The following CAMSAP2 variants were observed in gnomAD, a reference collection of about 807,000 sequenced individuals.
CAMSAP2 encodes the protein calmodulin regulated spectrin associated protein family member 2.
Under a neutral mutation model 146.1 loss-of-function variants are expected in CAMSAP2, and 26 were observed. The observed-to-expected ratio is 0.18, with a 90% CI of 0.13 to 0.25. CAMSAP2 has a LOEUF of 0.25. CAMSAP2 is among the 10% of genes least tolerant of loss of function. The pLI, the probability that CAMSAP2 is intolerant of heterozygous loss-of-function variation, is 1.00. For missense variants in CAMSAP2, 1,381 were observed against 1,759.3 expected (o/e 0.78, Z 3.85); for synonymous variants, 499 against 596.6 (o/e 0.84, Z 2.38).
chr1:200,832,960 A>T lies in CAMSAP2; in HGVS notation c.927+115A>T, dbSNP rs1667082942. ...CCTGTAATCCCAGTACTTTGGGAGG[A>T]CAAGGTGGGAGGATTGCTTAAGCCT... On this transcript the variant is annotated intron_variant, in intron 6 of 16. Coordinates refer to ENST00000358823, the MANE Select transcript of CAMSAP2 (RefSeq NM_203459.4). This position sits in a 1 kb window ranked among gnomAD's most constrained non-coding sequence, Gnocchi z 4.2. 1.1e-6 allele frequency: 1 copy of T among 885,724 alleles called. No homozygotes were observed. 54.9% of individuals were successfully genotyped at this position (885,724 alleles called of 1,614,324 possible). A position where few individuals can be genotyped will look rare whatever the true frequency, so the allele number is the denominator to read the frequency against.
In CAMSAP2 at chr1:200,848,891, A is replaced by G; in HGVS notation, c.2122A>G (p.Ser708Gly). The change falls in exon 11 of 17, where the codon AGT becomes GGT. Residue 708 changes from serine to glycine, a missense_variant. Ser to Gly is a moderately conservative substitution (Grantham distance 56). Around this residue, in one of 4 missense-constraint regions of CAMSAP2, gnomAD observed 447 missense variants for 462.2 expected, o/e 0.97. Coordinates refer to ENST00000358823, the MANE Select transcript of CAMSAP2 (RefSeq NM_203459.4). ...NHTDGKSSGS[S>G]SQKTTPEGSE... ...TACCGATGGAAAAAGTAGTGGAAGC[A>G]GTTCTCAAAAAACTACACCAGAAGG... The G allele has an allele frequency of 6.2e-7, 1 of 1,614,196 alleles. No homozygotes were observed. Among genetic ancestry groups the G allele is most frequent in the Non-Finnish European group, 8.5e-7 (1 of 1,180,010 alleles).
intron 2 of CAMSAP2, among the ~76,000 whole-genome samples, chr1:200,763,933 G>A (rs1163786749): frequency 1.3e-5 from 2 of 151,974 alleles, no homozygotes; most frequent in African/African-American, 2.4e-5. Context: ...AATTAGCCAG[G>A]TGTGGTGGCA....
At chr1:200,805,741 A>G (rs1236633507) in intron 2 of CAMSAP2, among the ~76,000 whole-genome samples, 1 of 152,258 alleles carries the variant, frequency 6.6e-6, no homozygotes, top group Non-Finnish European at 1.5e-5. Context: ...TTAGGAGGAC[A>G]ACAAGCCAGG....
At chr1:200,821,159 A>C (rs183602591) in intron 4 of CAMSAP2, among the ~76,000 whole-genome samples, 1 of 149,850 alleles carries the variant, frequency 6.7e-6, no homozygotes, top group East Asian at 1.9e-4. Flanking sequence ...ATCTATCCAT[A>C]TGTAGCCTGC....
At chr1:200,775,987 CAAAAA>C (rs559487129) in intron 2 of CAMSAP2, among the ~76,000 whole-genome samples, 1 of 139,342 alleles carries the variant, frequency 7.2e-6, no homozygotes. Context: ...TCTTTAAAAA[CAAAAA>C]AAAAAAGAAA....
intron 7 of CAMSAP2, 88 bp downstream of exon 7, chr1:200,842,175 T>C: frequency 1.0e-6 from 1 of 959,860 alleles, no homozygotes; most frequent in East Asian, 2.5e-5. Context: ...TTTTTAGAAA[T>C]CAGCCTATTA....
In CAMSAP2 at chr1:200,853,431, G is replaced by A. The variant is rs749975089; in HGVS notation, c.3759G>A (p.Gln1253=). The change falls in exon 13 of 17, where the codon CAG becomes CAA. Residue 1253 remains glutamine, a synonymous_variant. Coordinates refer to ENST00000358823, the MANE Select transcript of CAMSAP2 (RefSeq NM_203459.4). This position sits in a 1 kb window ranked among gnomAD's most constrained non-coding sequence, Gnocchi z 5.1. ...PRPQVVKQKK[Q]RPKSIHRDHI... is the part of the protein sequence containing the mutation. ...CTCAAGTAGTAAAACAAAAAAAACAGCGACCAAAATCTATTCACAGAGATC... is the reference window on the plus strand; with the variant it reads ...CTCAAGTAGTAAAACAAAAAAAACAACGACCAAAATCTATTCACAGAGATC... 1 of 1,613,816 alleles carries A rather than the reference G, an allele frequency of 6.2e-7. No individual in the cohort carries two copies. The highest frequency in any genetic ancestry group is 1.7e-4 in the Middle Eastern group (1 of 6,056).
At position 200,760,976 on chromosome 1, in the gene CAMSAP2, G is replaced by A. The variant is rs753089995; in HGVS notation, c.277G>A (p.Ala93Thr). 6.2e-7 allele frequency: 1 copy of A among 1,614,094 alleles called. No individual in the cohort carries two copies. Among genetic ancestry groups the A allele is most frequent in the Admixed American group, 1.7e-5 (1 of 60,022 alleles). Residue 93 changes from alanine (A) to threonine (T), a missense_variant, in exon 2 of 17, where the codon GCT (alanine) becomes ACT (threonine). Ala to Thr is a moderately conservative substitution (Grantham distance 58). Around this residue, in one of 4 missense-constraint regions of CAMSAP2, gnomAD observed 284 missense variants for 406.9 expected, o/e 0.70. Coordinates refer to ENST00000358823, the MANE Select transcript of CAMSAP2 (RefSeq NM_203459.4). Reference sequence around the variant, plus strand: ...TGGGAGTCTCATTCTCAAGAGTGATGCTGCAAAACCCCTTTTGGGCCATGA... The same window carrying A: ...TGGGAGTCTCATTCTCAAGAGTGATACTGCAAAACCCCTTTTGGGCCATGA... ...RAGSLILKSD[A>T]AKPLLGHDAV...
Position 200,849,065 on chromosome 1 carries a change from G to A in CAMSAP2, c.2296G>A (p.Ala766Thr). The A allele has an allele frequency of 1.9e-6, 3 of 1,614,046 alleles. No individual in the cohort carries two copies. The highest frequency in any genetic ancestry group is 3.3e-4 in the Middle Eastern group (2 of 6,062). Residue 766 changes from alanine to threonine, a missense_variant, in exon 11 of 17, where the codon GCC (alanine) becomes ACC (threonine). By Grantham distance (58) the Ala-to-Thr change is moderately conservative. This residue lies in a region of CAMSAP2 where 560 missense variants were observed against 715.9 expected (regional missense o/e 0.78). Transcript: ENST00000358823. The surrounding 1 kb of genome is among the most constrained non-coding windows in gnomAD (Gnocchi z 6.3). ...AGAAGAAAAGAGGCGTGCTATAGAAGCCCAGAAAAAGAAAATGGAAGCTGC... is the reference window on the plus strand; with the variant it reads ...AGAAGAAAAGAGGCGTGCTATAGAAACCCAGAAAAAGAAAATGGAAGCTGC... Reference protein sequence around the residue: ...KLEEKRRAIEAQKKKMEAAFT... With the variant: ...KLEEKRRAIETQKKKMEAAFT...
At chr1:200,750,382 A>G (rs1664465433) in intron 1 of CAMSAP2, among the ~76,000 whole-genome samples, 2 of 152,210 alleles carry the variant, frequency 1.3e-5, no homozygotes, top group East Asian at 1.9e-4. Flanking sequence ...CTGAAAGATC[A>G]TCAAGTTTGG....
At chr1:200,755,257 A>G (rs926888808) in intron 1 of CAMSAP2, among the ~76,000 whole-genome samples, 13 of 152,258 alleles carry the variant, frequency 8.5e-5, no homozygotes, top group African/African-American at 2.4e-4. Flanking sequence ...AAACACACAC[A>G]TATATACATA....
intron 1 of CAMSAP2, among the ~76,000 whole-genome samples, chr1:200,754,862 G>T (rs189511116): frequency 1.1e-4 from 17 of 152,172 alleles, no homozygotes; most frequent in Admixed American, 3.9e-4. Flanking sequence ...GATTACAGGC[G>T]TGAGCCACCG....
At chr1:200,785,092 C>G (rs765457320) in intron 2 of CAMSAP2, among the ~76,000 whole-genome samples, 3 of 152,014 alleles carry the variant, frequency 2.0e-5, no homozygotes, top group Non-Finnish European at 4.4e-5. Flanking sequence ...TCTTGAATTC[C>G]TGGAGTTAAA....
intron 7 of CAMSAP2, 145 bp from the exon 8 acceptor site, chr1:200,844,637 T>C: frequency 4.3e-6 from 2 of 468,296 alleles, no homozygotes; most frequent in Non-Finnish European, 3.8e-6. Context: ...TTGAAAATTA[T>C]TTAAGAAGAA....
rs1327209112 is a variant in CAMSAP2 at position 200,858,674 on chromosome 1, A to C, written c.*615A>C. ...TATTCTGCTAAGTATTTACAACTCT[A>C]TTTATTATTCACTCAAGTATTAACA... On this transcript the variant is annotated 3_prime_UTR_variant, in exon 17 of 17. Transcript: ENST00000358823. 1 of 152,620 alleles carries C rather than the reference A, an allele frequency of 6.6e-6. No homozygotes were observed. The highest frequency in any genetic ancestry group is 1.5e-5 in the Non-Finnish European group (1 of 67,922). The allele number at this position is 152,620 out of a possible 1,614,324, so 9.5% of individuals were successfully genotyped here.
intron 2 of CAMSAP2, among the ~76,000 whole-genome samples, chr1:200,765,838 A>G (rs1043581706): frequency 6.6e-6 from 1 of 152,182 alleles, no homozygotes; most frequent in Admixed American, 6.6e-5. Context: ...AGGTATGTTA[A>G]GTATTATAAA....
chr1:200,836,164 T>C (rs1667180230), intron 6 of CAMSAP2, among the ~76,000 whole-genome samples: 1 of 152,104 alleles, frequency 6.6e-6, no homozygotes, highest in Non-Finnish European at 1.5e-5. Flanking sequence ...TAGGTAAACT[T>C]GTGTCATGGG....
intron 3 of CAMSAP2, among the ~76,000 whole-genome samples, chr1:200,810,708 G>T (rs572418183): frequency 9.9e-5 from 15 of 151,428 alleles, no homozygotes; most frequent in African/African-American, 3.4e-4. Context: ...GACCAACATG[G>T]CGAAACCCTG....
At chr1:200,829,035 A>G (rs1666977033) in intron 4 of CAMSAP2, among the ~76,000 whole-genome samples, 1 of 151,996 alleles carries the variant, frequency 6.6e-6, no homozygotes, top group Non-Finnish European at 1.5e-5. Context: ...CATGCCTGTA[A>G]TCCCAGCTAC....
Sources: allele counts gnomAD v4.1 joint callset (sites outside exome capture counted in the v4.1 genomes callset), GRCh38; gene constraint gnomAD v4.1.1; regional missense constraint gnomAD v4.1.1; non-coding constraint Gnocchi (gnomAD v3.1); transcripts MANE v1.5; gene names NCBI Gene and HGNC (gene_info 2026-07-23, HGNC 2026-07-21).